CRHR2: variants seen among roughly 807,000 people sequenced by gnomAD.
The protein encoded by CRHR2 is corticotropin releasing hormone receptor 2.
A neutral mutation model predicts 57.9 loss-of-function variants in CRHR2; 53 were observed. That is an observed-to-expected ratio of 0.92 (90% CI 0.73 to 1.15). The LOEUF (loss-of-function observed/expected upper bound fraction) is 1.15, where lower values mean the gene tolerates loss of function less well. CRHR2 is among the 50% of genes most tolerant of loss of function. The probability of loss-of-function intolerance (pLI) is 0.00; values close to 1 mark genes in which losing one functional copy is unlikely to be tolerated. For synonymous variants in CRHR2, 213 were observed against 220.9 expected, an observed-to-expected ratio of 0.96 and a Z score of 0.32; for missense variants, 532 against 542.6, an observed-to-expected ratio of 0.98 and a Z score of 0.19.
exon 2 of CRHR2, chr7:30,689,211 A>T: frequency 6.5e-7 from 1 of 1,550,318 alleles, no homozygotes; most frequent in Non-Finnish European, 8.7e-7. Flanking sequence ...GGTGAGGGTC[A>T]TGATGGTGTG....
intron 8 of CRHR2, among the ~76,000 whole-genome samples, 198 bp downstream of exon 8, chr7:30,660,375 C>T (rs567046377): frequency 5.3e-5 from 8 of 152,348 alleles, no homozygotes; most frequent in African/African-American, 4.8e-5. Flanking sequence ...TGCAGGGCTG[C>T]GCCAGGGCAT....
upstream of CRHR2, among the ~76,000 whole-genome samples, chr7:30,685,106 C>T (rs1395617821): frequency 2.0e-5 from 3 of 152,096 alleles, no homozygotes; most frequent in African/African-American, 4.8e-5. Flanking sequence ...TTTGGAAGAC[C>T]CCTGTGTACC....
chr7:30,692,676 G>A (rs994894813), intron 1 of CRHR2, among the ~76,000 whole-genome samples: 1 of 152,208 alleles, frequency 6.6e-6, no homozygotes, highest in Non-Finnish European at 1.5e-5. Flanking sequence ...CAGGCAGGAA[G>A]GGGAGGCTTC....
Position 30,689,229 on chromosome 7 carries a change from T to C in CRHR2, c.-205A>G, listed in dbSNP as rs1359592856. 3 of 1,550,382 alleles carry C rather than the reference T, an allele frequency of 1.9e-6. No homozygotes were observed. In the African/African-American group the frequency reaches 4.1e-5, roughly 21 times the overall value. Reference sequence around the variant, plus strand: ...GAGGGTCATGATGGTGTGGCAGTACTGCTCCAGAAGTGCCCACAGGGGCTG... The same window carrying C: ...GAGGGTCATGATGGTGTGGCAGTACCGCTCCAGAAGTGCCCACAGGGGCTG... On this transcript the variant is annotated 5_prime_UTR_variant, in exon 2 of 14. Coordinates refer to the CRHR2 transcript ENST00000341843.
At chr7:30,673,179 C>A (rs1784418034) in intron 2 of CRHR2, among the ~76,000 whole-genome samples, 1 of 151,988 alleles carries the variant, frequency 6.6e-6, no homozygotes, top group Non-Finnish European at 1.5e-5. Flanking sequence ...GTTGAGAAAT[C>A]TTTGACCATG....
At position 30,656,074 on chromosome 7, in the gene CRHR2, G is replaced by A. The variant is rs918699775; in HGVS notation, c.832-62C>T. On this transcript the variant is annotated intron_variant, in intron 8 of 11. Coordinates refer to ENST00000471646, the MANE Select transcript of CRHR2 (RefSeq NM_001883.5). The surrounding 1 kb of genome is among the most constrained non-coding windows in gnomAD (Gnocchi z 4.4). ...AAGGAGCACGTGTTTGAGATGAGCC[G>A]AGAGGCAGCCCCCTTCCCCGCAGAC... 1.5e-5 allele frequency: 22 copies of A among 1,501,302 alleles called. No homozygotes were observed. Among genetic ancestry groups the A allele is most frequent in the South Asian group, 3.4e-5 (3 of 88,334 alleles). 93.0% of individuals were successfully genotyped at this position (1,501,302 alleles called of 1,614,324 possible). A position where few individuals can be genotyped will look rare whatever the true frequency, so the allele number is the denominator to read the frequency against.
intron 2 of CRHR2, among the ~76,000 whole-genome samples, chr7:30,676,346 T>C (rs1784515117): frequency 1.3e-5 from 2 of 152,152 alleles, no homozygotes; most frequent in African/African-American, 4.8e-5. Flanking sequence ...ATGGAGTAAC[T>C]TGTGGCCCTT....
chr7:30,662,095 A>T, intron 7 of CRHR2, 61 bp downstream of exon 7: 1 of 1,579,108 alleles, frequency 6.3e-7, no homozygotes, highest in Non-Finnish European at 8.7e-7. Context: ...CCCAAGGCTG[A>T]CCTGTCCTAA....
At chr7:30,660,806 C>T (rs141485619) in intron 7 of CRHR2, among the ~76,000 whole-genome samples, 161 bp from the exon 8 acceptor site, 166 of 152,354 alleles carry the variant, frequency 1.1e-3, no homozygotes, top group African/African-American at 3.8e-3. Context: ...CCACTGACCA[C>T]CCTTACCCAC....
At chr7:30,663,451 A>G (rs1784086860) in intron 5 of CRHR2, among the ~76,000 whole-genome samples, 1 of 152,182 alleles carries the variant, frequency 6.6e-6, no homozygotes, top group Non-Finnish European at 1.5e-5. Flanking sequence ...CACCTCTCTG[A>G]ACCTCAAAAA....
chr7:30,655,939 G>T lies in CRHR2; in HGVS notation c.905C>A (p.Thr302Lys), dbSNP rs1783772082. The change falls in exon 9 of 12, where the codon ACA becomes AAA. Residue 302 changes from threonine to lysine, a missense_variant. By Grantham distance (78) the Thr-to-Lys change is moderately conservative. Coordinates refer to ENST00000471646, the MANE Select transcript of CRHR2 (RefSeq NM_001883.5). ...TKLRASTTSE[T>K]IQYRKAVKAT... ...CCCCCTCACATACCTGTACTGGATT[G>T]TCTCGGATGTGGTGGACGCGCGTAA... The T allele has an allele frequency of 1.2e-6, 2 of 1,614,016 alleles. No homozygotes were observed. Among genetic ancestry groups the T allele is most frequent in the Non-Finnish European group, 1.7e-6 (2 of 1,179,936 alleles).
At chr7:30,682,905 C>T (rs1018991682), upstream of CRHR2, among the ~76,000 whole-genome samples, 2 of 152,192 alleles carry the variant, frequency 1.3e-5, no homozygotes, top group African/African-American at 4.8e-5. Context: ...TCTGCATCCT[C>T]CAAAAGCCTC....
At chr7:30,657,076 C>A (rs1444955110) in intron 8 of CRHR2, among the ~76,000 whole-genome samples, 1 of 147,174 alleles carries the variant, frequency 6.8e-6, no homozygotes, top group Non-Finnish European at 1.5e-5. Context: ...CGTGTGCACA[C>A]ACCCACTCAC....
Position 30,653,474 on chromosome 7 carries a change from T to A in CRHR2, c.1222A>T (p.Thr408Ser). The A allele has an allele frequency of 6.2e-7, 1 of 1,613,338 alleles. No individual in the cohort carries two copies. Among genetic ancestry groups the A allele is most frequent in the Non-Finnish European group, 8.5e-7 (1 of 1,179,836 alleles). The change falls in exon 12 of 12, where the codon ACG becomes TCG. Residue 408 changes from threonine (T) to serine (S), a missense_variant. Physicochemically the swap from Thr to Ser is moderately conservative, Grantham distance 58 (BLOSUM62 1). Transcript: ENST00000471646. This position sits in a 1 kb window ranked among gnomAD's most constrained non-coding sequence, Gnocchi z 5.0. ...TRISFHSIKQ[T>S]AAV ...CGACCGAGGGGTCACACAGCGGCCG[T>A]CTGCTTGATGCTGTGGAAGCTGATC...
chr7:30,685,140 G>A (rs1157523002), upstream of CRHR2, among the ~76,000 whole-genome samples: 1 of 152,190 alleles, frequency 6.6e-6, no homozygotes, highest in Non-Finnish European at 1.5e-5. Flanking sequence ...TAAGGCAGGT[G>A]CCTCTGGTGC....
At chr7:30,667,037 T>A (rs1415718592) in intron 3 of CRHR2, among the ~76,000 whole-genome samples, 191 bp downstream of exon 3, 1 of 152,224 alleles carries the variant, frequency 6.6e-6, no homozygotes, top group Non-Finnish European at 1.5e-5. Context: ...TAGGACTCCA[T>A]GTCCCCCTTC....
At chr7:30,690,849 G>A (rs1784947111) in intron 1 of CRHR2, among the ~76,000 whole-genome samples, 2 of 152,302 alleles carry the variant, frequency 1.3e-5, no homozygotes, top group South Asian at 4.1e-4. Flanking sequence ...CCCACCCCAC[G>A]AAGTGAGGTA....
intron 2 of CRHR2, among the ~76,000 whole-genome samples, chr7:30,688,234 T>C (rs945162265): frequency 5.9e-5 from 9 of 152,100 alleles, no homozygotes; most frequent in Non-Finnish European, 8.8e-5. Context: ...GCAAGCCAAG[T>C]AGGGAGGCCT....
At chr7:30,672,921 C>T (rs1584112202) in intron 2 of CRHR2, among the ~76,000 whole-genome samples, 2 of 152,338 alleles carry the variant, frequency 1.3e-5, no homozygotes, top group Middle Eastern at 6.8e-3. Flanking sequence ...AGATCTCTCT[C>T]CCTTGGGACA....
Sources: gnomAD v4.1 joint callset for allele counts (sites outside exome capture counted in the v4.1 genomes callset) on GRCh38, gnomAD v4.1.1 for gene constraint, Gnocchi (gnomAD v3.1) non-coding constraint, MANE v1.5 for transcripts, NCBI Gene and HGNC (gene_info 2026-07-23, HGNC 2026-07-21) for gene names.